The following ARPC2 variants were observed in gnomAD, a reference collection of about 807,000 sequenced individuals.
ARPC2 encodes actin related protein 2/3 complex subunit 2.
A neutral mutation model predicts 38.6 loss-of-function variants in ARPC2; 4 were observed. The observed-to-expected ratio is 0.10, with a 90% CI of 0.05 to 0.24. The LOEUF is 0.24. Ranked by LOEUF, ARPC2 falls within the 10% of genes least tolerant of loss-of-function variation. ARPC2 has a pLI of 1.00. For missense variants in ARPC2, 229 were observed against 387.3 expected, an observed-to-expected ratio of 0.59 and a Z score of 3.43; for synonymous variants, 125 against 140.8, an observed-to-expected ratio of 0.89 and a Z score of 0.79.
chr2:218,225,809 T>C, intron 2 of ARPC2, 111 bp from the exon 3 acceptor site: 1 of 1,019,952 alleles, frequency 9.8e-7, no homozygotes, highest in Non-Finnish European at 1.5e-6. Flanking sequence ...TAACCTAAAA[T>C]TTATACAGAA....
intron 5 of ARPC2, 74 bp from the exon 6 acceptor site, chr2:218,238,590 C>T (rs1308937625): frequency 6.1e-5 from 26 of 427,636 alleles, no homozygotes; most frequent in African/African-American, 3.7e-4. Context: ...TAGTATGCTG[C>T]TTTTTTTTTT....
intron 2 of ARPC2, among the ~76,000 whole-genome samples, chr2:218,224,176 C>G (rs1331191077): frequency 6.6e-6 from 1 of 152,168 alleles, no homozygotes; most frequent in Non-Finnish European, 1.5e-5. Flanking sequence ...GCTCAGGATA[C>G]TTTATGCCTA....
In ARPC2 at chr2:218,228,094, A is replaced by G. The variant is rs191760927; in HGVS notation, c.110-644A>G. ...GGAAGGAGGATGTCTAAATGAAACA[A>G]GAATTGTCCATGTGTTAATAATTGT... On this transcript the variant is annotated intron_variant, in intron 3 of 10. Transcript: ENST00000315717. Among the ~76,000 whole-genome samples, 631 of 152,284 alleles carry G rather than the reference A, an allele frequency of 4.1e-3. 1 individual carries two copies. The highest frequency in any genetic ancestry group is 6.7e-3 in the Non-Finnish European group (453 of 68,032).
chr2:218,230,458 A>AT (rs767425314), intron 4 of ARPC2, among the ~76,000 whole-genome samples: 9 of 150,860 alleles, frequency 6.0e-5, no homozygotes, highest in Non-Finnish European at 1.3e-4. Context: ...CACCTGGCTT[A>AT]TTTTTTGTTT....
At chr2:218,229,921 C>G (rs1182753569) in intron 4 of ARPC2, among the ~76,000 whole-genome samples, 1 of 151,292 alleles carries the variant, frequency 6.6e-6, no homozygotes, top group African/African-American at 2.4e-5. Context: ...GCTGACACTT[C>G]TTTACCAGAT....
At chr2:218,219,899 T>A (rs1038129003) in intron 2 of ARPC2, among the ~76,000 whole-genome samples, 1 of 152,100 alleles carries the variant, frequency 6.6e-6, no homozygotes, top group African/African-American at 2.4e-5. Context: ...GGATTACAGA[T>A]GTATCACCCA....
At position 218,249,879 on chromosome 2, in the gene ARPC2, G is replaced by A. The variant is rs1041531687; in HGVS notation, c.836G>A (p.Arg279His). The change falls in exon 10 of 11, where the codon CGC (arginine) becomes CAC (histidine). Residue 279 changes from arginine (R) to histidine (H), a missense_variant. Arg to His is a conservative substitution (Grantham distance 29). Transcript: ENST00000315717. Reference sequence around the variant, plus strand: ...TCTGACTTCCTCAAGGTGCTGAACCGCGCACGCCCAGATGCCGAGAAAAAA... The same window carrying A: ...TCTGACTTCCTCAAGGTGCTGAACCACGCACGCCCAGATGCCGAGAAAAAA... ...KTSDFLKVLN[R>H]ARPDAEKKEM... 4 of 1,613,716 alleles carry A rather than the reference G, an allele frequency of 2.5e-6. No individual in the cohort carries two copies. The highest frequency in any genetic ancestry group is 3.4e-6 in the Non-Finnish European group (4 of 1,179,870).
chr2:218,221,099 T>C (rs1413190789), intron 2 of ARPC2, among the ~76,000 whole-genome samples: 1 of 152,212 alleles, frequency 6.6e-6, no homozygotes, highest in Non-Finnish European at 1.5e-5. Context: ...ACTGAGAAGC[T>C]AGGCCTGTCA....
chr2:218,228,799 C>A lies in ARPC2; in HGVS notation c.171C>A (p.Val57=). ...ATGGAGACAAAACAAAAGTGATGGT[C>A]AGTATTTCTTTGAAATTCTACAAGG... is the stretch of plus-strand genomic sequence containing the variant. ...NPNGDKTKVM[V]SISLKFYKEL... is the part of the protein sequence containing the mutation. The change falls in exon 4 of 11, where the codon GTC becomes GTA. Residue 57 remains valine, a synonymous_variant. Transcript: ENST00000315717. 1.9e-6 allele frequency: 3 copies of A among 1,611,592 alleles called. No individual in the cohort carries two copies. In the South Asian group the frequency reaches 3.3e-5, roughly 18 times the overall value.
Position 218,228,748 on chromosome 2 carries a change from G to T in ARPC2, c.120G>T (p.Gly40=). 1 of 1,589,278 alleles carries T rather than the reference G, an allele frequency of 6.3e-7. No individual in the cohort carries two copies. Among genetic ancestry groups the T allele is most frequent in the East Asian group, 2.2e-5 (1 of 44,728 alleles). ...AVEVTFADFD[G]VLYHISNPNG... ...TTGCTTTCCTCACAGATTTCGATGG[G>T]GTCCTCTATCATATTTCAAATCCTA... The change falls in exon 4 of 11, where the codon GGG becomes GGT. Residue 40 remains glycine (G), a synonymous_variant. Coordinates refer to ENST00000315717, the MANE Select transcript of ARPC2 (RefSeq NM_152862.3).
At chr2:218,242,717 A>G (rs1450678930) in intron 7 of ARPC2, among the ~76,000 whole-genome samples, 1 of 152,134 alleles carries the variant, frequency 6.6e-6, no homozygotes, top group Non-Finnish European at 1.5e-5. Context: ...GCTTATGATG[A>G]CATAAAAAGA....
intron 10 of ARPC2, 106 bp downstream of exon 10, chr2:218,250,027 A>G (rs750780224): frequency 2.4e-5 from 23 of 956,450 alleles, no homozygotes; most frequent in Non-Finnish European, 3.0e-5. Context: ...CACTGGCTAC[A>G]TATGAGGTCA....
chr2:218,227,181 T>C, intron 3 of ARPC2: 1 of 345,012 alleles, frequency 2.9e-6, no homozygotes, highest in South Asian at 2.1e-5. Context: ...CATAAAGTGA[T>C]GGCACTCAGC....
chr2:218,226,820 T>TC (rs970228883), intron 3 of ARPC2, among the ~76,000 whole-genome samples: 81 of 152,028 alleles, frequency 5.3e-4, no homozygotes, highest in Non-Finnish European at 9.9e-4. Context: ...TGTTGTGTTT[T>TC]TTTTTTAATT....
chr2:218,217,558 C>T lies in ARPC2; in HGVS notation c.74+14C>T. 6.2e-7 allele frequency: 1 copy of T among 1,606,508 alleles called. No homozygotes were observed. Among genetic ancestry groups the T allele is most frequent in the Non-Finnish European group, 8.5e-7 (1 of 1,176,298 alleles). On this transcript the variant is annotated intron_variant, in intron 2 of 10. Transcript: ENST00000315717. Reference sequence around the variant, plus strand: ...CGCGGCCGCCGGGTGAGCGCGCGCCCGGGGCCGGGGGTGGCGGGGGAAGCA... The same window carrying T: ...CGCGGCCGCCGGGTGAGCGCGCGCCTGGGGCCGGGGGTGGCGGGGGAAGCA...
At chr2:218,238,293 A>G (rs574155828) in intron 5 of ARPC2, among the ~76,000 whole-genome samples, 8 of 152,330 alleles carry the variant, frequency 5.3e-5, no homozygotes, top group Admixed American at 4.6e-4. Flanking sequence ...TGTGTCTAGA[A>G]GGGTACATTT....
At chr2:218,218,982 T>C (rs1336587250) in intron 2 of ARPC2, among the ~76,000 whole-genome samples, 1 of 152,216 alleles carries the variant, frequency 6.6e-6, no homozygotes, top group East Asian at 1.9e-4. Context: ...CAGAGTCTTA[T>C]TTTGGGTGAT....
chr2:218,226,884 A>G (rs1689510149), intron 3 of ARPC2: 2 of 344,024 alleles, frequency 5.8e-6, no homozygotes, highest in Non-Finnish European at 1.3e-5. Context: ...GCCTAGCACT[A>G]GAGTAGTAGG....
chr2:218,249,602 C>T, intron 9 of ARPC2, 138 bp downstream of exon 9: 1 of 783,222 alleles, frequency 1.3e-6, no homozygotes, highest in Non-Finnish European at 2.0e-6. Flanking sequence ...TTCAAGAAAC[C>T]ATGGTCTTTC....
Sources: gnomAD v4.1 joint callset for allele counts (sites outside exome capture counted in the v4.1 genomes callset) on GRCh38, gnomAD v4.1.1 for gene constraint, MANE v1.5 for transcripts, NCBI Gene and HGNC (gene_info 2026-07-23, HGNC 2026-07-21) for gene names.